The following BLM variants were observed in gnomAD, a reference collection of about 807,000 sequenced individuals.
BLM encodes the protein BLM RecQ like helicase, also known as recQ-like DNA helicase BLM.
A neutral mutation model predicts 135.3 loss-of-function variants in BLM; 95 were observed. The ratio of observed to expected loss-of-function variants is 0.70; its 90% CI spans 0.59 to 0.83. The LOEUF (loss-of-function observed/expected upper bound fraction) is 0.83. Among genes scored for constraint, BLM ranks in the 40% least tolerant of loss-of-function variants. BLM has a pLI of 0.00. For missense variants in BLM, 1,518 were observed against 1,663.9 expected, an observed-to-expected ratio of 0.91 and a Z score of 1.53; for synonymous variants, 520 against 589.2, an observed-to-expected ratio of 0.88 and a Z score of 1.70.
chr15:90,770,374 C>T (rs1896278291), intron 12 of BLM, among the ~76,000 whole-genome samples: 2 of 152,254 alleles, frequency 1.3e-5, no homozygotes, highest in South Asian at 2.1e-4. Context: ...GACGGGGTGT[C>T]ACTGTCTTAG....
chr15:90,804,080 A>G, intron 18 of BLM, 87 bp from the exon 19 acceptor site: 3 of 1,285,776 alleles, frequency 2.3e-6, no homozygotes, highest in Non-Finnish European at 3.3e-6. Context: ...TTGCCCCCCA[A>G]AAATGCAATT....
rs957805754 is a variant in BLM, at chr15:90,769,128, C to T, written c.2308-5C>T. ...TTTTACATGTCTAATGTATTTCTGGCCTAGATCTGTGCAAGTAACAGACTC... is the reference window on the plus strand; with the variant it reads ...TTTTACATGTCTAATGTATTTCTGGTCTAGATCTGTGCAAGTAACAGACTC... On this transcript the variant is annotated splice_region_variant and splice_polypyrimidine_tract_variant and intron_variant, in intron 10 of 21. Coordinates refer to ENST00000355112, the MANE Select transcript of BLM (RefSeq NM_000057.4). 2 of 1,597,034 alleles carry T rather than the reference C, an allele frequency of 1.3e-6. No homozygotes were observed. Among genetic ancestry groups the T allele is most frequent in the Admixed American group, 1.7e-5 (1 of 59,968 alleles).
chr15:90,765,748 A>C (rs1596234634), intron 9 of BLM, among the ~76,000 whole-genome samples: 1 of 152,248 alleles, frequency 6.6e-6, no homozygotes, highest in East Asian at 1.9e-4. Flanking sequence ...ACACACATGC[A>C]TGCCTGCACA....
chr15:90,731,520 G>C (rs1054470380), intron 1 of BLM, among the ~76,000 whole-genome samples: 6 of 152,154 alleles, frequency 3.9e-5, no homozygotes, highest in Admixed American at 3.3e-4. Flanking sequence ...TTTGTGGGTA[G>C]ATTTTTGACC....
intron 16 of BLM, among the ~76,000 whole-genome samples, chr15:90,797,414 C>CAGAAAAAAAA (rs1897054586): frequency 9.1e-6 from 1 of 109,576 alleles, no homozygotes; most frequent in Non-Finnish European, 1.8e-5. Flanking sequence ...AACTCCATCT[C>CAGAAAAAAAA]AAAAAAAAAA....
intron 13 of BLM, 113 bp downstream of exon 13, chr15:90,783,041 A>G (rs1339498641): frequency 1.2e-6 from 1 of 831,922 alleles, no homozygotes; most frequent in East Asian, 2.7e-5. Context: ...TGACAGCACT[A>G]ACTTGCTCTT....
chr15:90,798,403 C>A (rs1897085196), intron 17 of BLM, 66 bp downstream of exon 17: 2 of 1,520,624 alleles, frequency 1.3e-6, no homozygotes, highest in Non-Finnish European at 1.8e-6. Flanking sequence ...GAATTTATTA[C>A]AAGTACATAG....
chr15:90,781,864 AAAT>A (rs1378168139), intron 12 of BLM, among the ~76,000 whole-genome samples: 6 of 152,188 alleles, frequency 3.9e-5, no homozygotes, highest in African/African-American at 1.4e-4. Context: ...TTAATATTTT[AAAT>A]AATGTTCTAA....
chr15:90,782,264 C>G (rs559453021), intron 12 of BLM, among the ~76,000 whole-genome samples: 1 of 152,046 alleles, frequency 6.6e-6, no homozygotes, highest in East Asian at 1.9e-4. Flanking sequence ...GGTGGGCATC[C>G]ATAATCCCAG....
intron 17 of BLM, among the ~76,000 whole-genome samples, chr15:90,800,374 T>C (rs17273891): frequency 0.15 from 23,389 of 152,106 alleles, 1,913 homozygotes; most frequent in Non-Finnish European, 0.19. Context: ...GTAAGCAATC[T>C]ATGCAGACTA....
chr15:90,751,876 G>A lies in BLM; in HGVS notation c.889G>A (p.Asp297Asn). Residue 297 changes from aspartate to asparagine, a missense_variant, in exon 4 of 22, where the codon GAT becomes AAT. Asp to Asn is a conservative substitution (Grantham distance 23, BLOSUM62 1). Coordinates refer to ENST00000355112, the MANE Select transcript of BLM (RefSeq NM_000057.4). ...TATTGAATTTGATGATGATGATTAT[G>A]ATACGGATTTTGTTCCACCTTCTCC... Reference protein sequence around the residue: ...PCIEFDDDDYDTDFVPPSPEE... With the variant: ...PCIEFDDDDYNTDFVPPSPEE... 1 of 1,612,924 alleles carries A rather than the reference G, an allele frequency of 6.2e-7. No individual in the cohort carries two copies. The highest frequency in any genetic ancestry group is 8.5e-7 in the Non-Finnish European group (1 of 1,179,014).
chr15:90,748,712 A>C (rs2151146145), intron 2 of BLM, among the ~76,000 whole-genome samples: 1 of 151,262 alleles, frequency 6.6e-6, no homozygotes, highest in South Asian at 2.1e-4. Context: ...TTAAGTTCTT[A>C]TCAGAGTAGC....
At chr15:90,735,242 T>TA (rs1354766293) in intron 1 of BLM, among the ~76,000 whole-genome samples, 1 of 74,052 alleles carries the variant, frequency 1.4e-5, no homozygotes, top group African/African-American at 6.6e-5. Context: ...AGTTAATATA[T>TA]ATATATATAT....
chr15:90,804,441 A>G (rs1897241746), intron 19 of BLM, 82 bp downstream of exon 19: 2 of 1,394,968 alleles, frequency 1.4e-6, no homozygotes, highest in Middle Eastern at 1.8e-4. Context: ...CTTAAGTGAT[A>G]AATATATCTC....
At chr15:90,812,697 C>T (rs908611711) in intron 21 of BLM, among the ~76,000 whole-genome samples, 1 of 152,164 alleles carries the variant, frequency 6.6e-6, no homozygotes, top group Non-Finnish European at 1.5e-5. Flanking sequence ...TGCAGTTTTT[C>T]TACCTCTTGT....
At chr15:90,793,415 G>T (rs942866598) in intron 15 of BLM, among the ~76,000 whole-genome samples, 1 of 152,112 alleles carries the variant, frequency 6.6e-6, no homozygotes, top group Non-Finnish European at 1.5e-5. Flanking sequence ...GATTACAGGC[G>T]TGAGCCACCG....
At chr15:90,718,492 A>G (rs1232804597) in intron 1 of BLM, among the ~76,000 whole-genome samples, 1 of 152,234 alleles carries the variant, frequency 6.6e-6, no homozygotes. Flanking sequence ...AGATTAAGGG[A>G]CAGGAATTCG....
At chr15:90,778,685 T>A (rs1426973542) in intron 12 of BLM, among the ~76,000 whole-genome samples, 2 of 152,236 alleles carry the variant, frequency 1.3e-5, no homozygotes, top group Non-Finnish European at 2.9e-5. Flanking sequence ...TATTGGTGAA[T>A]AATATTCCAT....
Position 90,809,250 on chromosome 15 carries a change from A to C in BLM, c.3865A>C (p.Thr1289Pro). The change falls in exon 20 of 22, where the codon ACA becomes CCA. Residue 1289 changes from threonine (T) to proline (P), a missense_variant. Thr to Pro is a conservative substitution (Grantham distance 38). Coordinates refer to ENST00000355112, the MANE Select transcript of BLM (RefSeq NM_000057.4). ...AGTATTACAGAAATACTCTGAATGG[A>C]CATCGCCAGGTTAGTACACAGCCAT... ...ISVLQKYSEW[T>P]SPAEDSSPGI... is the part of the protein sequence containing the mutation. 1 of 1,614,196 alleles carries C rather than the reference A, an allele frequency of 6.2e-7. No individual in the cohort carries two copies. Among genetic ancestry groups the C allele is most frequent in the Non-Finnish European group, 8.5e-7 (1 of 1,180,042 alleles).
Sources: gnomAD v4.1 joint callset for allele counts (sites outside exome capture counted in the v4.1 genomes callset) on GRCh38, gnomAD v4.1.1 for gene constraint, MANE v1.5 for transcripts, NCBI Gene and HGNC (gene_info 2026-07-23, HGNC 2026-07-21) for gene names.